DGUOK: variants seen among roughly 807,000 people sequenced by gnomAD.
The protein encoded by DGUOK is deoxyguanosine kinase, mitochondrial.
Under a neutral mutation model 36.6 loss-of-function variants are expected in DGUOK, and 30 were observed. The ratio of observed to expected loss-of-function variants is 0.82; its 90% confidence interval spans 0.61 to 1.11. The LOEUF (loss-of-function observed/expected upper bound fraction) is 1.11. DGUOK is among the 50% of genes most tolerant of loss of function. The probability of loss-of-function intolerance (pLI) is 0.00; values close to 1 mark genes in which losing one functional copy is unlikely to be tolerated. For synonymous variants in DGUOK, 145 were observed against 126.3 expected, an observed-to-expected ratio of 1.15 and a Z score of -0.99; for missense variants, 361 against 336.4, an observed-to-expected ratio of 1.07 and a Z score of -0.57.
At chr2:73,943,557 A>C (rs1000742184) in intron 2 of DGUOK, among the ~76,000 whole-genome samples, 2 of 152,058 alleles carry the variant, frequency 1.3e-5, no homozygotes, top group Admixed American at 1.3e-4. Flanking sequence ...TATTCCTTGA[A>C]GGTATGATAG....
At chr2:73,949,540 T>C (rs1682562241) in intron 3 of DGUOK, among the ~76,000 whole-genome samples, 1 of 152,186 alleles carries the variant, frequency 6.6e-6, no homozygotes, top group African/African-American at 2.4e-5. Flanking sequence ...AGGATTTAGG[T>C]GACTTGCCTG....
At chr2:73,932,580 C>T (rs776690831) in intron 1 of DGUOK, 10 of 1,274,386 alleles carry the variant, frequency 7.8e-6, no homozygotes, top group African/African-American at 1.5e-5. Context: ...CAAGAGTGAT[C>T]ATCTTCTCTA....
In DGUOK at chr2:73,926,914, G is replaced by T. The variant is rs147551003; in HGVS notation, c.4G>T (p.Ala2Ser). The T allele has an allele frequency of 4.8e-3, 7,778 of 1,613,382 alleles. 28 individuals carry two copies. The highest frequency in any genetic ancestry group is 6.1e-3 in the Non-Finnish European group (7,153 of 1,180,010). The change falls in exon 1 of 7, where the codon GCC (alanine) becomes TCC (serine). Residue 2 changes from alanine (A) to serine (S), a missense_variant. Coordinates refer to ENST00000264093, the MANE Select transcript of DGUOK (RefSeq NM_080916.3). The part of the protein sequence containing the change: M[A>S]AGRLFLSRLR... ...CGCTGTGTGAATCGTGGGTGGGATG[G>T]CCGCGGGCCGCCTCTTTCTAAGTCG...
At chr2:73,944,512 G>A (rs73947455) in intron 2 of DGUOK, among the ~76,000 whole-genome samples, 11,187 of 152,120 alleles carry the variant, frequency 0.074, 540 homozygotes, top group African/African-American at 0.14. Context: ...CAGCAAGGCC[G>A]TATCTTTTGT....
intron 2 of DGUOK, among the ~76,000 whole-genome samples, chr2:73,943,170 A>C (rs1027526794): frequency 4.0e-5 from 6 of 151,890 alleles, no homozygotes; most frequent in Non-Finnish European, 7.4e-5. Context: ...GGTTCTTTTT[A>C]GGCAGGGTCT....
At chr2:73,930,752 A>T (rs1008806391) in intron 1 of DGUOK, among the ~76,000 whole-genome samples, 3 of 151,476 alleles carry the variant, frequency 2.0e-5, no homozygotes, top group Non-Finnish European at 4.4e-5. Context: ...CTCACAACTA[A>T]GTAGGAGAAA....
At chr2:73,939,052 C>T in intron 2 of DGUOK, 30 bp downstream of exon 2, 1 of 1,391,744 alleles carries the variant, frequency 7.2e-7, no homozygotes, top group Non-Finnish European at 1.0e-6. Flanking sequence ...GGGTAGTTGG[C>T]AGGCATGGGT....
chr2:73,958,264 C>T lies in DGUOK; in HGVS notation c.807+19C>T. The T allele has an allele frequency of 8.9e-6, 14 of 1,581,044 alleles. No individual in the cohort carries two copies. Among genetic ancestry groups the T allele is most frequent in the Non-Finnish European group, 1.2e-5 (14 of 1,150,304 alleles). On this transcript the variant is annotated intron_variant, in intron 6 of 6. Coordinates refer to ENST00000264093, the MANE Select transcript of DGUOK (RefSeq NM_080916.3). ...GAGAGAGGTGGGAAGGACTTTAACTCCTGTTTTCTGGTGGTTTCCTTTGTT... is the reference window on the plus strand; with the variant it reads ...GAGAGAGGTGGGAAGGACTTTAACTTCTGTTTTCTGGTGGTTTCCTTTGTT...
chr2:73,927,046 A>G lies in DGUOK; in HGVS notation c.136A>G (p.Asn46Asp), dbSNP rs1215907347. 3.1e-6 allele frequency: 5 copies of G among 1,608,786 alleles called. No homozygotes were observed. Among genetic ancestry groups the G allele is most frequent in the Non-Finnish European group, 4.2e-6 (5 of 1,179,988 alleles). Residue 46 changes from asparagine to aspartate, a missense_variant, in exon 1 of 7, where the codon AAC becomes GAC. Physicochemically the swap from Asn to Asp is conservative, Grantham distance 23 (BLOSUM62 1). Coordinates refer to ENST00000264093, the MANE Select transcript of DGUOK (RefSeq NM_080916.3). Reference sequence around the variant, plus strand: ...GCCCCGAAGGCTCTCCATCGAAGGCAACATTGGTAAGGGCCGGAAAGCGGC... The same window carrying G: ...GCCCCGAAGGCTCTCCATCGAAGGCGACATTGGTAAGGGCCGGAAAGCGGC... The part of the protein sequence containing the change: ...RGPRRLSIEG[N>D]IAVGKSTFVK...
In DGUOK at chr2:73,950,662, C is replaced by A. The variant is rs751526077; in HGVS notation, c.521C>A (p.Ser174Tyr). 1 of 1,614,196 alleles carries A rather than the reference C, an allele frequency of 6.2e-7. No homozygotes were observed. Residue 174 changes from serine to tyrosine, a missense_variant, in exon 4 of 7, where the codon TCT becomes TAT. By Grantham distance (144) the Ser-to-Tyr change is moderately radical. Coordinates refer to ENST00000264093, the MANE Select transcript of DGUOK (RefSeq NM_080916.3). Reference sequence around the variant, plus strand: ...TGGCATATCTATCAGGACTGGCATTCTTTTCTCCTGTGGGAGTTTGCCAGC... The same window carrying A: ...TGGCATATCTATCAGGACTGGCATTATTTTCTCCTGTGGGAGTTTGCCAGC... ...IEWHIYQDWHSFLLWEFASRI... is the reference protein window; with the variant it reads ...IEWHIYQDWHYFLLWEFASRI...
chr2:73,930,768 T>G (rs1354542842), intron 1 of DGUOK, among the ~76,000 whole-genome samples: 1 of 146,596 alleles, frequency 6.8e-6, no homozygotes, highest in East Asian at 2.0e-4. Context: ...AGAAAACAGA[T>G]TCGACATAAT....
At chr2:73,956,135 A>C (rs1683069159) in intron 4 of DGUOK, among the ~76,000 whole-genome samples, 1 of 152,194 alleles carries the variant, frequency 6.6e-6, no homozygotes, top group Admixed American at 6.5e-5. Flanking sequence ...TGTGACAGGT[A>C]AAGAAGATGT....
Position 73,926,960 on chromosome 2 carries a change from C to G in DGUOK, c.50C>G (p.Ser17Cys), listed in dbSNP as rs759230630. 6.8e-6 allele frequency: 11 copies of G among 1,613,232 alleles called. No individual in the cohort carries two copies. Among genetic ancestry groups the G allele is most frequent in the Non-Finnish European group, 9.3e-6 (11 of 1,180,046 alleles). The part of the protein sequence containing the change: ...FLSRLRAPFS[S>C]MAKSPLEGVS... ...AGTCGGCTTCGAGCACCCTTCAGTT[C>G]CATGGCCAAGAGCCCACTCGAGGGC... Residue 17 changes from serine to cysteine, a missense_variant, in exon 1 of 7, where the codon TCC becomes TGC. Coordinates refer to ENST00000264093, the MANE Select transcript of DGUOK (RefSeq NM_080916.3).
intron 2 of DGUOK, among the ~76,000 whole-genome samples, chr2:73,942,865 T>C (rs1681999705): frequency 6.6e-6 from 1 of 152,250 alleles, no homozygotes; most frequent in Admixed American, 6.5e-5. Flanking sequence ...CGTACCCTTT[T>C]GTTACTAGAA....
rs1683330104 is a variant in DGUOK, at chr2:73,958,802, G to C, written c.*66G>C. On this transcript the variant is annotated 3_prime_UTR_variant, in exon 7 of 7. Coordinates refer to ENST00000264093, the MANE Select transcript of DGUOK (RefSeq NM_080916.3). ...CTTTCTGAAGCTAGAAAAATGTTGT[G>C]TCTCCCAACCACCTTTCCATCCCCA... 6.4e-6 allele frequency: 9 copies of C among 1,395,966 alleles called. No individual in the cohort carries two copies. In the East Asian group the frequency reaches 6.8e-5, roughly 11 times the overall value. The allele number at this position is 1,395,966 out of a possible 1,614,324, so 86.5% of individuals were successfully genotyped here.
chr2:73,945,273 A>G (rs1439826898), intron 2 of DGUOK, among the ~76,000 whole-genome samples: 1 of 152,128 alleles, frequency 6.6e-6, no homozygotes, highest in African/African-American at 2.4e-5. Flanking sequence ...TTCCACCATC[A>G]GTAATCGTCC....
chr2:73,932,281 ACT>A (rs1310520251), intron 1 of DGUOK, among the ~76,000 whole-genome samples: 1 of 151,898 alleles, frequency 6.6e-6, no homozygotes, highest in African/African-American at 2.4e-5. Context: ...CACCCTGATG[ACT>A]CTCCCTAGAC....
intron 4 of DGUOK, among the ~76,000 whole-genome samples, chr2:73,952,380 TG>T (rs1682763795): frequency 6.6e-6 from 1 of 152,186 alleles, no homozygotes; most frequent in African/African-American, 2.4e-5. Context: ...TCAGCGATTG[TG>T]GGGAGAGGAG....
chr2:73,929,223 C>T (rs2104855769), intron 1 of DGUOK, among the ~76,000 whole-genome samples: 1 of 152,310 alleles, frequency 6.6e-6, no homozygotes, highest in Non-Finnish European at 1.5e-5. Context: ...ATCCTCCCAC[C>T]TTAGCCTCTT....
Sources: allele counts gnomAD v4.1 joint callset (sites outside exome capture counted in the v4.1 genomes callset), GRCh38; gene constraint gnomAD v4.1.1; transcripts MANE v1.5; gene names NCBI Gene and HGNC (gene_info 2026-07-23, HGNC 2026-07-21).